ARL8B: variants seen among roughly 807,000 people sequenced by gnomAD.
The protein encoded by ARL8B is ADP-ribosylation factor-like protein 8B.
Under a neutral mutation model 30.6 loss-of-function variants are expected in ARL8B, and 9 were observed. The ratio of observed to expected loss-of-function variants is 0.29; its 90% CI spans 0.18 to 0.51. The LOEUF (loss-of-function observed/expected upper bound fraction) is 0.51. Among genes scored for constraint, ARL8B ranks in the 20% least tolerant of loss-of-function variants. ARL8B has a pLI of 0.97. For missense variants in ARL8B, 130 were observed against 227.2 expected, an observed-to-expected ratio of 0.57 and a Z score of 2.75; for synonymous variants, 74 against 76.0, an observed-to-expected ratio of 0.97 and a Z score of 0.14.
chr3:5,174,501 AT>A (rs2054707700), intron 6 of ARL8B, 87 bp downstream of exon 6: 1 of 889,112 alleles, frequency 1.1e-6, no homozygotes, highest in African/African-American at 1.7e-5. Context: ...TCGATTTCTC[AT>A]TAAGTGACTT....
At chr3:5,131,397 T>TAA (rs761727664) in intron 1 of ARL8B, among the ~76,000 whole-genome samples, 34,578 of 150,306 alleles carry the variant, frequency 0.23, 4,734 homozygotes, top group African/African-American at 0.39. Flanking sequence ...TTAAAAAATT[T>TAA]TTTTTTTTTT....
intron 4 of ARL8B, 44 bp downstream of exon 4, chr3:5,172,784 G>T (rs781603742): frequency 5.2e-6 from 6 of 1,153,374 alleles, no homozygotes; most frequent in South Asian, 1.4e-5. Context: ...ATTATATAAT[G>T]ATATTAATTA....
intron 1 of ARL8B, among the ~76,000 whole-genome samples, chr3:5,152,558 C>A (rs1452751666): frequency 6.6e-6 from 1 of 152,212 alleles, no homozygotes; most frequent in Non-Finnish European, 1.5e-5. Context: ...GATCAAGGCT[C>A]ACTGCCACCT....
intron 1 of ARL8B, among the ~76,000 whole-genome samples, chr3:5,162,368 G>A (rs77685341): frequency 9.5e-4 from 145 of 152,348 alleles, no homozygotes; most frequent in Non-Finnish European, 1.6e-3. Context: ...GTTCTTAGAA[G>A]AATCTAGGGT....
Position 5,178,783 on chromosome 3 carries a change from A to G in ARL8B, c.*70A>G. On this transcript the variant is annotated 3_prime_UTR_variant, in exon 7 of 7. Transcript: ENST00000256496. The stretch of plus-strand genomic sequence containing the variant: ...AATTATTGTCCGTTCCTCTGAAGTA[A>G]TTCCCAGAATACGGTCCTTCCTAAA... The G allele has an allele frequency of 1.2e-6, 2 of 1,606,296 alleles. No homozygotes were observed. Among genetic ancestry groups the G allele is most frequent in the Non-Finnish European group, 1.7e-6 (2 of 1,178,872 alleles).
intron 1 of ARL8B, among the ~76,000 whole-genome samples, chr3:5,153,024 A>G (rs964320032): frequency 3.9e-5 from 6 of 152,018 alleles, no homozygotes; most frequent in African/African-American, 1.2e-4. Flanking sequence ...GAGTGTTTTT[A>G]TATTAATTTT....
chr3:5,122,567 C>T lies in ARL8B; in HGVS notation c.102C>T (p.Thr34=), dbSNP rs143079086. 13 of 1,606,038 alleles carry T rather than the reference C, an allele frequency of 8.1e-6. No individual in the cohort carries two copies. In the East Asian group the frequency reaches 2.2e-4, roughly 28 times the overall value. The change falls in exon 1 of 7, where the codon ACC becomes ACT. Residue 34 remains threonine, a synonymous_variant. Transcript: ENST00000256496. ...TLVGLQYSGK[T]TFVNVIASGQ... ...TGGGGCTGCAGTACTCGGGCAAGAC[C>T]ACCTTCGTCAATGTCATCGCGGTGA...
chr3:5,154,312 A>G (rs1008414323), intron 1 of ARL8B, among the ~76,000 whole-genome samples: 2 of 152,082 alleles, frequency 1.3e-5, no homozygotes, highest in African/African-American at 4.8e-5. Context: ...ATTTTTTAAA[A>G]AAAAATTTTA....
At chr3:5,172,873 C>T (rs894103094) in intron 4 of ARL8B, 133 bp downstream of exon 4, 3 of 622,668 alleles carry the variant, frequency 4.8e-6, no homozygotes, top group Non-Finnish European at 8.4e-6. Flanking sequence ...AACTTGCTTA[C>T]CATGTATCTG....
chr3:5,128,559 G>T (rs2054252540), intron 1 of ARL8B: 3 of 385,626 alleles, frequency 7.8e-6, no homozygotes, highest in South Asian at 3.8e-5. Context: ...CAAGTTAATG[G>T]ATTTTTTAAG....
chr3:5,167,860 C>G (rs924523421), intron 1 of ARL8B, among the ~76,000 whole-genome samples: 7 of 152,242 alleles, frequency 4.6e-5, no homozygotes, highest in African/African-American at 1.7e-4. Context: ...CATAAATTCT[C>G]AGGTATCTAG....
chr3:5,146,917 C>T (rs1474693255), intron 1 of ARL8B, among the ~76,000 whole-genome samples: 2 of 152,060 alleles, frequency 1.3e-5, no homozygotes, highest in Admixed American at 1.3e-4. Context: ...TCCTCAGGTC[C>T]CACCTTCAAA....
chr3:5,178,928 G>T lies in ARL8B; in HGVS notation c.*215G>T. ...TGATAAAGTCAGCACACACAAAAAG[G>T]CTTCTTACACATACCTGTCTTAAAC... is the stretch of plus-strand genomic sequence containing the variant. On this transcript the variant is annotated 3_prime_UTR_variant, in exon 7 of 7. Coordinates refer to ENST00000256496, the MANE Select transcript of ARL8B (RefSeq NM_018184.3). 2.6e-6 allele frequency: 2 copies of T among 781,746 alleles called. No homozygotes were observed. The highest frequency in any genetic ancestry group is 5.2e-5 in the South Asian group (2 of 38,312). The allele number at this position is 781,746 out of a possible 1,614,324, so 48.4% of individuals were successfully genotyped here. A position where few individuals can be genotyped will look rare whatever the true frequency, so the allele number is the denominator to read the frequency against.
intron 3 of ARL8B, 145 bp downstream of exon 3, chr3:5,172,368 T>C (rs1465825487): frequency 2.7e-6 from 2 of 747,974 alleles, no homozygotes; most frequent in Non-Finnish European, 4.4e-6. Flanking sequence ...ATTCCCAACA[T>C]GGGATTTAAA....
intron 1 of ARL8B, among the ~76,000 whole-genome samples, chr3:5,143,945 T>G (rs369546191): frequency 1.6e-4 from 24 of 152,134 alleles, no homozygotes; most frequent in African/African-American, 5.5e-4. Flanking sequence ...TTCTGAGGAG[T>G]GCTATTGGGA....
At chr3:5,133,157 GAA>G (rs2054297712) in intron 1 of ARL8B, among the ~76,000 whole-genome samples, 1 of 152,230 alleles carries the variant, frequency 6.6e-6, no homozygotes, top group South Asian at 2.1e-4. Context: ...CTGAGGGAAA[GAA>G]ATTTTTTTGT....
intron 1 of ARL8B, among the ~76,000 whole-genome samples, chr3:5,132,114 A>C (rs13062913): frequency 0.4 from 60,211 of 151,758 alleles, 12,969 homozygotes; most frequent in African/African-American, 0.59. Context: ...ATCTTGAACT[A>C]CTGGGCTCAA....
chr3:5,130,595 A>G (rs1028721579), intron 1 of ARL8B, among the ~76,000 whole-genome samples: 3 of 150,922 alleles, frequency 2.0e-5, no homozygotes, highest in East Asian at 1.9e-4. Flanking sequence ...GGGCAGTGGC[A>G]TGATCTCGGT....
chr3:5,138,165 G>A (rs1200864039), intron 1 of ARL8B, among the ~76,000 whole-genome samples: 1 of 150,220 alleles, frequency 6.7e-6, no homozygotes, highest in African/African-American at 2.5e-5. Context: ...TTTTGGCTTG[G>A]TGGAAGAGAT....
Sources: allele counts gnomAD v4.1 joint callset (sites outside exome capture counted in the v4.1 genomes callset), GRCh38; gene constraint gnomAD v4.1.1; transcripts MANE v1.5; gene names NCBI Gene and HGNC (gene_info 2026-07-23, HGNC 2026-07-21).